The following CAPZA1 variants were observed in gnomAD, a reference collection of about 807,000 sequenced individuals.
The protein encoded by CAPZA1 is capping actin protein of muscle Z-line subunit alpha 1, also known as F-actin-capping protein subunit alpha-1.
CAPZA1 carries 10 observed loss-of-function variants against 40.8 expected under a neutral mutation model. The ratio of observed to expected loss-of-function variants is 0.25; its 90% CI spans 0.15 to 0.42. The LOEUF is 0.42. Ranked by LOEUF, CAPZA1 falls within the 10% of genes least tolerant of loss-of-function variation. CAPZA1 has a pLI of 1.00. For missense variants in CAPZA1, 277 were observed against 353.8 expected (o/e 0.78, Z 1.74); for synonymous variants, 98 against 115.0 (o/e 0.85, Z 0.95).
intron 1 of CAPZA1, among the ~76,000 whole-genome samples, chr1:112,623,185 A>G (rs1207075194): frequency 6.6e-6 from 1 of 152,108 alleles, no homozygotes; most frequent in Non-Finnish European, 1.5e-5. Context: ...GCACCTGCCA[A>G]ATATTTATGC....
intron 8 of CAPZA1, 87 bp from the exon 9 acceptor site, chr1:112,669,456 G>T: frequency 1.1e-6 from 1 of 894,478 alleles, no homozygotes; most frequent in South Asian, 1.4e-5. Context: ...TCATACAAAT[G>T]TTAGTTAAGA....
chr1:112,647,175 T>A, intron 1 of CAPZA1, 35 bp from the exon 2 acceptor site: 1 of 1,095,288 alleles, frequency 9.1e-7, no homozygotes, highest in South Asian at 1.8e-5. Context: ...TTACTCTTCA[T>A]AATTCTCCTA....
chr1:112,658,586 C>A (rs910156552), intron 5 of CAPZA1, among the ~76,000 whole-genome samples: 2 of 152,286 alleles, frequency 1.3e-5, no homozygotes, highest in African/African-American at 4.8e-5. Flanking sequence ...AAATCTTAAA[C>A]TTCTTACTTT....
At chr1:112,658,968 T>C (rs1671548907) in intron 5 of CAPZA1, 54 bp from the exon 6 acceptor site, 1 of 1,270,946 alleles carries the variant, frequency 7.9e-7, no homozygotes, top group Non-Finnish European at 1.2e-6. Flanking sequence ...CAATGCATGT[T>C]GTTTAAATTA....
chr1:112,629,541 A>G (rs908968154), intron 1 of CAPZA1, among the ~76,000 whole-genome samples: 1 of 152,176 alleles, frequency 6.6e-6, no homozygotes, highest in Admixed American at 6.5e-5. Flanking sequence ...TCTTGCTTGG[A>G]TAGCATCTGT....
intron 7 of CAPZA1, among the ~76,000 whole-genome samples, chr1:112,663,332 C>G (rs1049028756): frequency 2.0e-5 from 3 of 152,126 alleles, no homozygotes; most frequent in African/African-American, 4.8e-5. Context: ...ACAAACAAAA[C>G]TGATATTTGA....
chr1:112,663,864 T>G (rs945169877), intron 7 of CAPZA1, among the ~76,000 whole-genome samples: 7 of 152,090 alleles, frequency 4.6e-5, no homozygotes, highest in Non-Finnish European at 8.8e-5. Context: ...AAAGGTAAAA[T>G]TTCAGGGTTT....
chr1:112,659,595 T>A (rs1671562913), intron 6 of CAPZA1, 106 bp from the exon 7 acceptor site: 1 of 758,236 alleles, frequency 1.3e-6, no homozygotes, highest in Admixed American at 2.8e-5. Context: ...TCTTTTTTTT[T>A]TTCTTTTTTT....
At chr1:112,646,535 C>CCA (rs1352193429) in intron 1 of CAPZA1, among the ~76,000 whole-genome samples, 1 of 152,144 alleles carries the variant, frequency 6.6e-6, no homozygotes, top group African/African-American at 2.4e-5. Context: ...CTTGATCATG[C>CCA]CACTGCACTC....
chr1:112,669,946 A>G, intron 9 of CAPZA1, 46 bp from the exon 10 acceptor site: 1 of 1,610,702 alleles, frequency 6.2e-7, no homozygotes, highest in Non-Finnish European at 8.5e-7. Flanking sequence ...GTTCACAACC[A>G]GCCCCATTTC....
At chr1:112,642,210 T>A (rs1671184049) in intron 1 of CAPZA1, among the ~76,000 whole-genome samples, 1 of 135,824 alleles carries the variant, frequency 7.4e-6, no homozygotes, top group Non-Finnish European at 1.6e-5. Flanking sequence ...ACCTTTTTTT[T>A]TTTTTTTTTT....
intron 7 of CAPZA1, among the ~76,000 whole-genome samples, chr1:112,663,457 G>A (rs1671660002): frequency 6.6e-6 from 1 of 152,102 alleles, no homozygotes; most frequent in African/African-American, 2.4e-5. Flanking sequence ...GATTTTACAT[G>A]TAAGTATTAG....
chr1:112,622,613 T>A (rs1220385332), intron 1 of CAPZA1, among the ~76,000 whole-genome samples: 4 of 152,216 alleles, frequency 2.6e-5, no homozygotes, highest in Non-Finnish European at 5.9e-5. Flanking sequence ...GCATATTTTT[T>A]CCCTTCAGCC....
chr1:112,671,207 T>G lies in CAPZA1; in HGVS notation c.*1075T>G, dbSNP rs1225831367. On this transcript the variant is annotated 3_prime_UTR_variant, in exon 10 of 10. Coordinates refer to ENST00000263168, the MANE Select transcript of CAPZA1 (RefSeq NM_006135.3). ...TGCCTGCCAAGAACTCAAGTGTAAC[T>G]GTGATAAAATAACCTTTCCCAGGTA... is the stretch of plus-strand genomic sequence containing the variant. 1 of 152,656 alleles carries G rather than the reference T, an allele frequency of 6.6e-6. No individual in the cohort carries two copies. The highest frequency in any genetic ancestry group is 2.4e-5 in the African/African-American group (1 of 41,448). 9.5% of individuals were successfully genotyped at this position (152,656 alleles called of 1,614,324 possible).
At chr1:112,661,956 C>G (rs929919495) in intron 7 of CAPZA1, among the ~76,000 whole-genome samples, 1 of 152,214 alleles carries the variant, frequency 6.6e-6, no homozygotes, top group Admixed American at 6.5e-5. Context: ...GCCTTTCAGG[C>G]TAGTCTATAG....
intron 1 of CAPZA1, among the ~76,000 whole-genome samples, chr1:112,639,019 AATT>A (rs1252309953): frequency 6.8e-6 from 1 of 147,600 alleles, no homozygotes; most frequent in Non-Finnish European, 1.5e-5. Context: ...ATTTTAATAT[AATT>A]ATATGTATTA....
At chr1:112,640,026 C>T (rs1366258939) in intron 1 of CAPZA1, among the ~76,000 whole-genome samples, 1 of 117,062 alleles carries the variant, frequency 8.5e-6, no homozygotes, top group Non-Finnish European at 1.8e-5. Flanking sequence ...GGGTCAGCCC[C>T]CCGCCCGGCC....
chr1:112,637,890 C>A (rs1363411385), intron 1 of CAPZA1, among the ~76,000 whole-genome samples: 1 of 152,274 alleles, frequency 6.6e-6, no homozygotes, highest in Non-Finnish European at 1.5e-5. Flanking sequence ...TATTGGAACA[C>A]AACCATGCTT....
At position 112,654,475 on chromosome 1, in the gene CAPZA1, C is replaced by G. The variant is rs759866253; in HGVS notation, c.230C>G (p.Thr77Arg). 1 of 1,610,412 alleles carries G rather than the reference C, an allele frequency of 6.2e-7. No homozygotes were observed. The highest frequency in any genetic ancestry group is 8.5e-7 in the Non-Finnish European group (1 of 1,177,368). The change falls in exon 5 of 10, where the codon ACA (threonine) becomes AGA (arginine). Residue 77 changes from threonine to arginine, a missense_variant. Physicochemically the swap from Thr to Arg is moderately conservative, Grantham distance 71. Transcript: ENST00000263168. ...IEGYEDQVLITEHGDLGNSRF... is the reference protein window; with the variant it reads ...IEGYEDQVLIREHGDLGNSRF... The stretch of plus-strand genomic sequence containing the variant: ...ATGATTCTTTGGAAGGTCTTAATTA[C>G]AGAGCACGGTGACCTGGGTAATAGC...
Sources: allele counts gnomAD v4.1 joint callset (sites outside exome capture counted in the v4.1 genomes callset), GRCh38; gene constraint gnomAD v4.1.1; transcripts MANE v1.5; gene names NCBI Gene and HGNC (gene_info 2026-07-23, HGNC 2026-07-21).